The following FNDC3B variants were observed in gnomAD, a reference collection of about 807,000 sequenced individuals.
The protein encoded by FNDC3B is fibronectin type III domain containing 3B.
In FNDC3B, 12 loss-of-function variants were observed where a neutral mutation model predicts 151.5. That is an observed-to-expected ratio of 0.08 (90% CI 0.05 to 0.13). The LOEUF (loss-of-function observed/expected upper bound fraction) is 0.13, where lower values mean the gene tolerates loss of function less well. Among genes scored for constraint, FNDC3B ranks in the 10% least tolerant of loss-of-function variants. The pLI is 1.00. For missense variants in FNDC3B, 1,214 were observed against 1,505.3 expected (o/e 0.81, Z 3.20); for synonymous variants, 528 against 549.0 (o/e 0.96, Z 0.54).
intron 25 of FNDC3B, among the ~76,000 whole-genome samples, chr3:172,384,469 A>G (rs1735605772): frequency 2.6e-5 from 4 of 152,262 alleles, no homozygotes; most frequent in Admixed American, 2.0e-4. Flanking sequence ...GTTCCATAGC[A>G]ATGTGAAAAT....
intron 6 of FNDC3B, among the ~76,000 whole-genome samples, chr3:172,269,623 T>TTTTTGTTTGTTGTTTTG (rs1369302939): frequency 2.0e-5 from 3 of 151,730 alleles, no homozygotes; most frequent in African/African-American, 7.3e-5. Flanking sequence ...CTGTGTGGTT[T>TTTTTGTTTGTTGTTTTG]TTTTGTTTGT....
At chr3:172,248,827 G>A (rs985135795) in intron 5 of FNDC3B, among the ~76,000 whole-genome samples, 2 of 149,552 alleles carry the variant, frequency 1.3e-5, no homozygotes, top group African/African-American at 2.5e-5. Context: ...GAAATATATC[G>A]TTGTAACTTA....
chr3:172,354,236 GA>G (rs1405282482), intron 22 of FNDC3B, among the ~76,000 whole-genome samples: 3 of 151,640 alleles, frequency 2.0e-5, no homozygotes, highest in Non-Finnish European at 4.4e-5. Flanking sequence ...TATACAAATA[GA>G]AAAAAATTTC....
chr3:172,394,303 T>C (rs1345042820), intron 25 of FNDC3B, among the ~76,000 whole-genome samples: 1 of 151,224 alleles, frequency 6.6e-6, no homozygotes, highest in Non-Finnish European at 1.5e-5. Context: ...ACAGAAATAA[T>C]TGAAGGAGAC....
chr3:172,129,677 T>C (rs1213661357), intron 2 of FNDC3B, among the ~76,000 whole-genome samples: 2 of 152,344 alleles, frequency 1.3e-5, no homozygotes, highest in East Asian at 3.9e-4. Context: ...AGCTTCTTGG[T>C]TCATGTAACA....
intron 8 of FNDC3B, 49 bp downstream of exon 8, chr3:172,295,563 G>A (rs1730562005): frequency 6.4e-7 from 1 of 1,563,200 alleles, no homozygotes; most frequent in Non-Finnish European, 8.7e-7. Context: ...TGTAAAATTG[G>A]AGTTGTGAAG....
intron 11 of FNDC3B, among the ~76,000 whole-genome samples, chr3:172,313,106 G>GT (rs919493912): frequency 5.5e-4 from 83 of 151,822 alleles, no homozygotes; most frequent in African/African-American, 2.0e-3. Context: ...ATTCCTGCTG[G>GT]TATCAGCTCT....
intron 6 of FNDC3B, among the ~76,000 whole-genome samples, chr3:172,270,136 A>T (rs1346141931): frequency 6.6e-6 from 1 of 152,192 alleles, no homozygotes; most frequent in Non-Finnish European, 1.5e-5. Context: ...GTTTTCCTAA[A>T]TTTCCAATGT....
At chr3:172,082,058 G>A (rs1194552118) in intron 1 of FNDC3B, among the ~76,000 whole-genome samples, 1 of 152,174 alleles carries the variant, frequency 6.6e-6, no homozygotes, top group Non-Finnish European at 1.5e-5. Flanking sequence ...AATTCTGTGT[G>A]ATATGTTGAG....
rs1019735223 is a variant in FNDC3B, at chr3:172,251,397, A to G, written c.646A>G (p.Ser216Gly). 7.4e-6 allele frequency: 12 copies of G among 1,614,132 alleles called. No homozygotes were observed. The highest frequency in any genetic ancestry group is 1.0e-5 in the Non-Finnish European group (12 of 1,180,018). The change falls in exon 6 of 26, where the codon AGC (serine) becomes GGC (glycine). Residue 216 changes from serine to glycine, a missense_variant. Coordinates refer to ENST00000415807, the MANE Select transcript of FNDC3B (RefSeq NM_022763.4). ...LNSPPSSIYK[S>G]SCTTVYNGYG... ...CAGCCCTCCTTCTTCTATCTACAAA[A>G]GCAGCTGCACAACAGTATACAATGG...
intron 23 of FNDC3B, among the ~76,000 whole-genome samples, chr3:172,365,490 T>C (rs558518033): frequency 2.0e-5 from 3 of 152,316 alleles, no homozygotes; most frequent in African/African-American, 7.2e-5. Context: ...TTTGAGCATA[T>C]TTCATGTAAA....
At chr3:172,068,580 C>G (rs1364121149) in intron 1 of FNDC3B, among the ~76,000 whole-genome samples, 2 of 151,972 alleles carry the variant, frequency 1.3e-5, no homozygotes, top group African/African-American at 4.8e-5. Flanking sequence ...TAAGCCACCA[C>G]GCTCTGGTAA....
chr3:172,052,822 A>G (rs935754725), intron 1 of FNDC3B, among the ~76,000 whole-genome samples: 2 of 152,196 alleles, frequency 1.3e-5, no homozygotes, highest in African/African-American at 4.8e-5. Context: ...AATGGCTGGA[A>G]AGAGGTGAGA....
At chr3:172,290,481 A>G (rs1195820785) in intron 7 of FNDC3B, among the ~76,000 whole-genome samples, 1 of 152,134 alleles carries the variant, frequency 6.6e-6, no homozygotes, top group Non-Finnish European at 1.5e-5. Flanking sequence ...TCTCGAGCCT[A>G]ATGTGGTCTG....
intron 9 of FNDC3B, among the ~76,000 whole-genome samples, chr3:172,303,853 A>G (rs1186883042): frequency 6.6e-6 from 1 of 152,232 alleles, no homozygotes; most frequent in Non-Finnish European, 1.5e-5. Context: ...CATTTACTGA[A>G]CTACTATAAT....
intron 3 of FNDC3B, among the ~76,000 whole-genome samples, chr3:172,206,149 G>A (rs187935719): frequency 2.3e-4 from 35 of 152,246 alleles, no homozygotes; most frequent in African/African-American, 8.4e-4. Context: ...AGAGACTATA[G>A]GGATGATTGA....
intron 6 of FNDC3B, among the ~76,000 whole-genome samples, chr3:172,256,879 G>A (rs1335787926): frequency 1.3e-5 from 2 of 152,040 alleles, no homozygotes; most frequent in Non-Finnish European, 2.9e-5. Flanking sequence ...GTGTGTATAT[G>A]TGGGCAGATG....
intron 1 of FNDC3B, among the ~76,000 whole-genome samples, chr3:172,049,797 G>A (rs1248613922): frequency 6.6e-6 from 1 of 152,172 alleles, no homozygotes; most frequent in Non-Finnish European, 1.5e-5. Flanking sequence ...AAAGTCCTGG[G>A]ATTATAGGCA....
chr3:172,228,980 G>T (rs962335307), intron 4 of FNDC3B, among the ~76,000 whole-genome samples: 5 of 152,024 alleles, frequency 3.3e-5, no homozygotes, highest in African/African-American at 1.2e-4. Flanking sequence ...ACACTTCAAT[G>T]AAATGAGGAA....
Sources: gnomAD v4.1 joint callset for allele counts (sites outside exome capture counted in the v4.1 genomes callset) on GRCh38, gnomAD v4.1.1 for gene constraint, MANE v1.5 for transcripts, NCBI Gene and HGNC (gene_info 2026-07-23, HGNC 2026-07-21) for gene names.